The following CHN2 variants were observed in gnomAD, a reference collection of about 807,000 sequenced individuals.
The protein encoded by CHN2 is chimerin 2.
CHN2 carries 35 observed loss-of-function variants against 56.3 expected under a neutral mutation model. That is an observed-to-expected ratio of 0.62 (90% CI 0.47 to 0.82). CHN2 has a LOEUF of 0.82. Among genes scored for constraint, CHN2 ranks in the 40% least tolerant of loss-of-function variants. The probability of loss-of-function intolerance (pLI) is 0.00; values close to 1 mark genes in which losing one functional copy is unlikely to be tolerated. For synonymous variants in CHN2, 210 were observed against 212.8 expected (o/e 0.99, Z 0.12); for missense variants, 491 against 580.5 (o/e 0.85, Z 1.58).
chr7:29,233,865 G>T (rs935336919), intron 1 of CHN2, among the ~76,000 whole-genome samples: 1 of 69,470 alleles, frequency 1.4e-5, no homozygotes, highest in Non-Finnish European at 2.6e-5. Context: ...ATGGAGTCTC[G>T]CTCTGTCGCC....
intron 1 of CHN2, among the ~76,000 whole-genome samples, chr7:29,263,108 C>T (rs1462014803): frequency 6.6e-6 from 1 of 152,214 alleles, no homozygotes; most frequent in African/African-American, 2.4e-5. Context: ...GCCGCCATCT[C>T]GGCTCACTGC....
rs1785034626 is a variant in CHN2, at chr7:29,212,554, A to C, written c.49+17564A>C. On this transcript the variant is annotated intron_variant, in intron 1 of 12. Coordinates refer to ENST00000222792, the MANE Select transcript of CHN2 (RefSeq NM_004067.4). Reference sequence around the variant, plus strand: ...CCATTGCTGCAGAGAATAATGCCCCAAAAAAGGGAGACGAGGTCCCAGTCA... The same window carrying C: ...CCATTGCTGCAGAGAATAATGCCCCCAAAAAGGGAGACGAGGTCCCAGTCA... 4 of 1,470,938 alleles carry C rather than the reference A, an allele frequency of 2.7e-6. No homozygotes were observed. The South Asian group carries it at 3.4e-5, about 13-fold the overall frequency. The allele number at this position is 1,470,938 out of a possible 1,614,324, so 91.1% of individuals were successfully genotyped here.
chr7:29,193,504 C>G (rs1440337580), upstream of CHN2: 1 of 152,148 alleles, frequency 6.6e-6, no homozygotes, highest in Non-Finnish European at 1.5e-5. Flanking sequence ...TACTTTCATT[C>G]CTTTAATGTT....
At chr7:29,511,342 T>TTAG (rs1562681020) in intron 12 of CHN2, among the ~76,000 whole-genome samples, 3 of 152,238 alleles carry the variant, frequency 2.0e-5, no homozygotes, top group South Asian at 2.1e-4. Context: ...GGGTATCACA[T>TTAG]CTGGCTTTCA....
chr7:29,399,487 C>A lies in CHN2; in HGVS notation c.290+1001C>A, dbSNP rs1802029626. Among the ~76,000 whole-genome samples, 3 of 152,314 alleles carry A rather than the reference C, an allele frequency of 2.0e-5. No homozygotes were observed. In the South Asian group the frequency reaches 6.2e-4, roughly 32 times the overall value. On this transcript the variant is annotated intron_variant, in intron 5 of 12. Transcript: ENST00000222792. Reference sequence around the variant, plus strand: ...AAACATCACAACATAAGAAAGACAGCACATTTATGGCACTTTTCAAACCTT... The same window carrying A: ...AAACATCACAACATAAGAAAGACAGAACATTTATGGCACTTTTCAAACCTT...
chr7:29,339,430 T>C (rs550332106), intron 1 of CHN2, among the ~76,000 whole-genome samples: 4 of 152,308 alleles, frequency 2.6e-5, no homozygotes, highest in East Asian at 1.9e-4. Context: ...ATTTTTAAAA[T>C]TGAACATCTT....
intron 2 of CHN2, among the ~76,000 whole-genome samples, chr7:29,154,659 C>G (rs763401079): frequency 2.6e-5 from 4 of 151,976 alleles, no homozygotes; most frequent in Non-Finnish European, 5.9e-5. Flanking sequence ...CATGGTGAAA[C>G]TTCATCTCTA....
At chr7:29,206,157 C>T (rs1003910034) in intron 1 of CHN2, among the ~76,000 whole-genome samples, 8 of 152,222 alleles carry the variant, frequency 5.3e-5, no homozygotes, top group Non-Finnish European at 1.0e-4. Flanking sequence ...CATATACAAG[C>T]ACTCAGTTAC....
At chr7:29,420,082 C>G (rs1804182406) in intron 6 of CHN2, among the ~76,000 whole-genome samples, 1 of 150,544 alleles carries the variant, frequency 6.6e-6, no homozygotes, top group South Asian at 2.1e-4. Flanking sequence ...AAAATTATCT[C>G]ACACCTATTA....
chr7:29,469,057 G>A (rs540431537), intron 6 of CHN2, among the ~76,000 whole-genome samples: 2 of 152,078 alleles, frequency 1.3e-5, no homozygotes, highest in Non-Finnish European at 2.9e-5. Context: ...TGCTCCTCCT[G>A]GAGTCTTCTT....
chr7:29,199,487 C>A (rs757121023), intron 1 of CHN2: 1 of 152,156 alleles, frequency 6.6e-6, no homozygotes, highest in Non-Finnish European at 1.5e-5. Flanking sequence ...CCTAGACTGG[C>A]AGAAAGACTT....
chr7:29,343,571 T>C (rs1797204409), intron 1 of CHN2, among the ~76,000 whole-genome samples: 1 of 152,194 alleles, frequency 6.6e-6, no homozygotes, highest in African/African-American at 2.4e-5. Context: ...GCTCTCTCCA[T>C]GTGTATCTCA....
intron 1 of CHN2, among the ~76,000 whole-genome samples, chr7:29,249,689 C>T (rs1019563401): frequency 6.6e-6 from 1 of 152,162 alleles, no homozygotes; most frequent in African/African-American, 2.4e-5. Flanking sequence ...TATTCATCCA[C>T]GTGTATCTTG....
intron 1 of CHN2, among the ~76,000 whole-genome samples, chr7:29,221,422 G>A (rs567630712): frequency 1.2e-4 from 18 of 152,126 alleles, no homozygotes; most frequent in African/African-American, 3.1e-4. Context: ...TTATAGTAAC[G>A]TTAAAAAATC....
At chr7:29,279,406 C>T (rs3812355) in intron 1 of CHN2, among the ~76,000 whole-genome samples, 10,445 of 152,308 alleles carry the variant, frequency 0.069, 493 homozygotes, top group East Asian at 0.2. Context: ...TTCATATGCA[C>T]GAAGTGCCAA....
intron 3 of CHN2, among the ~76,000 whole-genome samples, chr7:29,374,462 C>A (rs1441399830): frequency 2.6e-5 from 4 of 152,034 alleles, no homozygotes; most frequent in Non-Finnish European, 5.9e-5. Flanking sequence ...GCATACTCCC[C>A]CTGCCTCCAA....
intron 1 of CHN2, among the ~76,000 whole-genome samples, chr7:29,225,265 A>G (rs921588917): frequency 6.6e-5 from 10 of 152,210 alleles, no homozygotes; most frequent in African/African-American, 2.4e-4. Flanking sequence ...GCATGGCCTA[A>G]TCATAACATT....
At chr7:29,290,416 A>C (rs1414159084) in intron 1 of CHN2, among the ~76,000 whole-genome samples, 2 of 152,122 alleles carry the variant, frequency 1.3e-5, no homozygotes, top group Non-Finnish European at 2.9e-5. Flanking sequence ...TTGATATCTG[A>C]AGAATATAGT....
At chr7:29,481,379 T>C (rs1171667333) in intron 7 of CHN2, among the ~76,000 whole-genome samples, 1 of 152,236 alleles carries the variant, frequency 6.6e-6, no homozygotes, top group Non-Finnish European at 1.5e-5. Context: ...AAACTGATTT[T>C]ATTCTGTTGC....
Sources: allele counts gnomAD v4.1 joint callset (sites outside exome capture counted in the v4.1 genomes callset), GRCh38; gene constraint gnomAD v4.1.1; transcripts MANE v1.5; gene names NCBI Gene and HGNC (gene_info 2026-07-23, HGNC 2026-07-21).